KCNIP4: variants seen among roughly 807,000 people sequenced by gnomAD.
KCNIP4 encodes Kv channel-interacting protein 4.
KCNIP4 carries 12 observed loss-of-function variants against 34.0 expected under a neutral mutation model. That is an observed-to-expected ratio of 0.35 (90% CI 0.23 to 0.57). The LOEUF is 0.57. Ranked by LOEUF, KCNIP4 falls within the 20% of genes least tolerant of loss-of-function variation. The pLI, the probability that KCNIP4 is intolerant of heterozygous loss-of-function variation, is 0.83. For synonymous variants in KCNIP4, 124 were observed against 102.2 expected (o/e 1.21, Z -1.29); for missense variants, 238 against 311.7 (o/e 0.76, Z 1.78).
chr4:21,558,054 T>A (rs1159145757), intron 1 of KCNIP4, among the ~76,000 whole-genome samples: 1 of 152,154 alleles, frequency 6.6e-6, no homozygotes, highest in African/African-American at 2.4e-5. Context: ...TTTTAAAAGT[T>A]AGCTGAGAGG....
In KCNIP4 at chr4:21,065,698, C is replaced by G. The variant is rs187535030; in HGVS notation, c.62-182989G>C. ...ACTGTGAAAAAAATATTTAGGAGGT[C>G]ATTATATCATAGATTGGTATCATTT... On this transcript the variant is annotated intron_variant, in intron 1 of 8. Coordinates refer to ENST00000382152, the MANE Select transcript of KCNIP4 (RefSeq NM_025221.6). Among the ~76,000 whole-genome samples the G allele has an allele frequency of 7.2e-3, 906 of 125,194 alleles. 8 individuals are homozygous for G. The highest frequency in any genetic ancestry group is 0.026 in the African/African-American group (842 of 32,604). 82.1% of individuals were successfully genotyped at this position (125,194 alleles called of 152,430 possible).
chr4:21,796,465 C>T (rs1720631625), intron 1 of KCNIP4, among the ~76,000 whole-genome samples: 1 of 152,164 alleles, frequency 6.6e-6, no homozygotes, highest in Admixed American at 6.5e-5. Flanking sequence ...TCTCAAAATC[C>T]AGGACTCTCT....
At chr4:21,502,527 T>G (rs935847550) in intron 1 of KCNIP4, among the ~76,000 whole-genome samples, 5 of 151,818 alleles carry the variant, frequency 3.3e-5, no homozygotes, top group African/African-American at 1.2e-4. Flanking sequence ...TTTTCAAAAT[T>G]TATTTTTTTT....
intron 1 of KCNIP4, among the ~76,000 whole-genome samples, chr4:21,884,390 C>A (rs187377726): frequency 6.6e-6 from 1 of 152,130 alleles, no homozygotes; most frequent in Admixed American, 6.6e-5. Context: ...ACAATGGAGC[C>A]GTTGTCGTTA....
chr4:20,772,538 C>T (rs1755992114), intron 3 of KCNIP4, among the ~76,000 whole-genome samples: 1 of 152,152 alleles, frequency 6.6e-6, no homozygotes, highest in African/African-American at 2.4e-5. Context: ...CTCAAGTTGT[C>T]TGGTCATCTG....
At chr4:21,468,437 G>C (rs1300074055) in intron 1 of KCNIP4, among the ~76,000 whole-genome samples, 1 of 152,138 alleles carries the variant, frequency 6.6e-6, no homozygotes, top group Non-Finnish European at 1.5e-5. Context: ...AAACATTTCA[G>C]AACAAGAGAA....
intron 1 of KCNIP4, among the ~76,000 whole-genome samples, chr4:21,572,114 G>A (rs543759599): frequency 6.6e-6 from 1 of 152,078 alleles, no homozygotes; most frequent in African/African-American, 2.4e-5. Context: ...CTGATTGCTG[G>A]GGATTCCATT....
intron 3 of KCNIP4, among the ~76,000 whole-genome samples, chr4:20,779,583 C>CCA (rs1345061884): frequency 7.5e-6 from 1 of 133,780 alleles, no homozygotes; most frequent in African/African-American, 2.8e-5. Context: ...ACAACCCCCC[C>CCA]CCCCCACACA....
intron 1 of KCNIP4, among the ~76,000 whole-genome samples, chr4:21,838,400 T>G (rs940385934): frequency 6.6e-6 from 1 of 152,206 alleles, no homozygotes; most frequent in Non-Finnish European, 1.5e-5. Context: ...CGTGGACTGG[T>G]AGCTCACATG....
intron 3 of KCNIP4, among the ~76,000 whole-genome samples, chr4:20,837,999 T>C (rs1432009136): frequency 6.6e-6 from 1 of 152,058 alleles, no homozygotes; most frequent in Non-Finnish European, 1.5e-5. Context: ...CTCAGTGATA[T>C]ATTTTTGTGA....
At chr4:21,769,034 T>G (rs943834729) in intron 1 of KCNIP4, among the ~76,000 whole-genome samples, 2 of 152,088 alleles carry the variant, frequency 1.3e-5, no homozygotes, top group Non-Finnish European at 2.9e-5. Context: ...ACTAGAAATA[T>G]AGCTAGTACA....
chr4:21,569,262 A>AAAAAAAAAC (rs1740168813), intron 1 of KCNIP4, among the ~76,000 whole-genome samples: 1 of 134,778 alleles, frequency 7.4e-6, no homozygotes, highest in Non-Finnish European at 1.6e-5. Context: ...AAAAAAAAAA[A>AAAAAAAAAC]AAAGCTTGAT....
At chr4:21,550,975 C>T (rs1738536973) in intron 1 of KCNIP4, among the ~76,000 whole-genome samples, 1 of 151,986 alleles carries the variant, frequency 6.6e-6, no homozygotes. Context: ...TACGGTCACT[C>T]ATGGCATATT....
intron 1 of KCNIP4, among the ~76,000 whole-genome samples, chr4:21,397,682 A>G (rs1057374628): frequency 6.6e-6 from 1 of 152,206 alleles, no homozygotes; most frequent in African/African-American, 2.4e-5. Context: ...TGATCCAATG[A>G]TCTAGAGTTA....
chr4:20,958,430 G>A (rs1467040796), intron 1 of KCNIP4, among the ~76,000 whole-genome samples: 4 of 152,208 alleles, frequency 2.6e-5, no homozygotes, highest in African/African-American at 7.2e-5. Context: ...ACTTCAACCT[G>A]TGGAGTTTGG....
chr4:20,935,788 A>T (rs552102936), intron 1 of KCNIP4, among the ~76,000 whole-genome samples: 2 of 152,128 alleles, frequency 1.3e-5, no homozygotes, highest in Non-Finnish European at 2.9e-5. Context: ...ATCCTGTACC[A>T]ACCAATAATC....
intron 1 of KCNIP4, among the ~76,000 whole-genome samples, chr4:21,008,546 CG>C (rs1302790380): frequency 6.7e-6 from 1 of 148,778 alleles, no homozygotes; most frequent in Non-Finnish European, 1.5e-5. Context: ...TTTTTTGAGA[CG>C]GAGTCTCGCT....
chr4:21,483,089 A>T, intron 1 of KCNIP4, among the ~76,000 whole-genome samples: 1 of 44,954 alleles, frequency 2.2e-5, no homozygotes, highest in Non-Finnish European at 4.1e-5. Context: ...GGGGTGGGGG[A>T]GGGGGGAGGG....
chr4:21,477,505 T>C (rs1731084348), intron 1 of KCNIP4, among the ~76,000 whole-genome samples: 1 of 152,174 alleles, frequency 6.6e-6, no homozygotes, highest in Non-Finnish European at 1.5e-5. Flanking sequence ...CTGTGTATTA[T>C]GGGGGCCACA....
Sources: allele counts gnomAD v4.1 joint callset (sites outside exome capture counted in the v4.1 genomes callset), GRCh38; gene constraint gnomAD v4.1.1; transcripts MANE v1.5; gene names NCBI Gene and HGNC (gene_info 2026-07-23, HGNC 2026-07-21).